The following FBXL4 variants were observed in gnomAD, a reference collection of about 807,000 sequenced individuals.
The protein encoded by FBXL4 is F-box and leucine rich repeat protein 4.
FBXL4 carries 40 observed loss-of-function variants against 58.9 expected under a neutral mutation model. The ratio of observed to expected loss-of-function variants is 0.68; its 90% CI spans 0.53 to 0.88. The LOEUF is 0.88. FBXL4 is among the 40% of genes least tolerant of loss of function. FBXL4 has a pLI of 0.00. For synonymous variants in FBXL4, 263 were observed against 265.5 expected (o/e 0.99, Z 0.09); for missense variants, 676 against 734.4 (o/e 0.92, Z 0.92).
Position 98,874,091 on chromosome 6 carries a change from T to C in FBXL4, c.*187A>G. The C allele has an allele frequency of 2.2e-6, 1 of 461,140 alleles. No homozygotes were observed. Among genetic ancestry groups the C allele is most frequent in the Non-Finnish European group, 3.8e-6 (1 of 265,042 alleles). 28.6% of individuals were successfully genotyped at this position (461,140 alleles called of 1,614,324 possible). On this transcript the variant is annotated 3_prime_UTR_variant, in exon 10 of 10. Coordinates refer to ENST00000369244, the MANE Select transcript of FBXL4 (RefSeq NM_001278716.2). ...CACTCATATTCTTGAAGAGAAGTGCTTGCAGTATTTTATGAAAACATTTGT... is the reference window on the plus strand; with the variant it reads ...CACTCATATTCTTGAAGAGAAGTGCCTGCAGTATTTTATGAAAACATTTGT...
intron 4 of FBXL4, among the ~76,000 whole-genome samples, chr6:98,924,680 T>C (rs368014908): frequency 3.3e-5 from 5 of 152,308 alleles, no homozygotes; most frequent in African/African-American, 1.2e-4. Context: ...TTGCAATGAA[T>C]TATTAGGTAG....
intron 7 of FBXL4, 187 bp downstream of exon 7, chr6:98,899,081 T>G: frequency 1.0e-6 from 1 of 985,334 alleles, no homozygotes. Context: ...TCCTTATAAT[T>G]TAAAAGCATA....
In FBXL4 at chr6:98,870,029, T is replaced by C. The variant is rs1049643493; in HGVS notation, c.*4249A>G. The C allele has an allele frequency of 6.6e-6, 1 of 152,218 alleles. No homozygotes were observed. Among genetic ancestry groups the C allele is most frequent in the Non-Finnish European group, 1.5e-5 (1 of 68,034 alleles). The allele number at this position is 152,218 out of a possible 1,614,324, so 9.4% of individuals were successfully genotyped here. ...TTAAGTCAGTTGTCAAAGCTAACAATGCATCACCTGGCTTCAAAATTTAAC... is the reference window on the plus strand; with the variant it reads ...TTAAGTCAGTTGTCAAAGCTAACAACGCATCACCTGGCTTCAAAATTTAAC... On this transcript the variant is annotated 3_prime_UTR_variant, in exon 10 of 10. Transcript: ENST00000369244.
Position 98,873,452 on chromosome 6 carries a change from T to G in FBXL4, c.*826A>C, listed in dbSNP as rs1770549616. On this transcript the variant is annotated 3_prime_UTR_variant, in exon 10 of 10. Coordinates refer to ENST00000369244, the MANE Select transcript of FBXL4 (RefSeq NM_001278716.2). ...TTTCACAAAATGTTAAGGCATCTGCTTCTAACAGTTGGAAAGCTTTTTTTA... is the reference window on the plus strand; with the variant it reads ...TTTCACAAAATGTTAAGGCATCTGCGTCTAACAGTTGGAAAGCTTTTTTTA... 1 of 151,660 alleles carries G rather than the reference T, an allele frequency of 6.6e-6. No individual in the cohort carries two copies. Among genetic ancestry groups the G allele is most frequent in the Non-Finnish European group, 1.5e-5 (1 of 67,936 alleles). 9.4% of individuals were successfully genotyped at this position (151,660 alleles called of 1,614,324 possible). A position where few individuals can be genotyped will look rare whatever the true frequency, so the allele number is the denominator to read the frequency against.
Position 98,905,460 on chromosome 6 carries a change from T to G in FBXL4, c.1069A>C (p.Asn357His). The part of the protein sequence containing the change: ...VQWLNLSWTG[N>H]RGFISVAGFS... ...CCTGCAACAGAGATGAAGCCTCTATTGCCAGTCCAAGATAAATTAAGCCAC... is the reference window on the plus strand; with the variant it reads ...CCTGCAACAGAGATGAAGCCTCTATGGCCAGTCCAAGATAAATTAAGCCAC... Residue 357 changes from asparagine to histidine, a missense_variant, in exon 6 of 10, where the codon AAT becomes CAT. By Grantham distance (68) the Asn-to-His change is moderately conservative (BLOSUM62 1). Coordinates refer to ENST00000369244, the MANE Select transcript of FBXL4 (RefSeq NM_001278716.2). 6.2e-7 allele frequency: 1 copy of G among 1,614,054 alleles called. No individual in the cohort carries two copies.
At position 98,926,593 on chromosome 6, in the gene FBXL4, T is replaced by C. The variant is rs775962308; in HGVS notation, c.396A>G (p.Glu132=). 10 of 1,614,062 alleles carry C rather than the reference T, an allele frequency of 6.2e-6. No individual in the cohort carries two copies. The highest frequency in any genetic ancestry group is 2.7e-5 in the African/African-American group (2 of 74,936). ...GTACAGCTGTAGGATACACCTGTTG[T>C]TCAAAAGTAAGTTCCACATAGTCCT... ...QSQDYVELTF[E]QQVYPTAVHV... Residue 132 remains glutamate, a synonymous_variant, in exon 4 of 10, where the codon GAA becomes GAG. Transcript: ENST00000369244.
chr6:98,870,701 C>T lies in FBXL4; in HGVS notation c.*3577G>A, dbSNP rs1484123118. ...TAGACTTGAAGTGACATTTTTAAGG[C>T]ACATTAGTATATGAATTTTTAAAAA... is the stretch of plus-strand genomic sequence containing the variant. On this transcript the variant is annotated 3_prime_UTR_variant, in exon 10 of 10. Coordinates refer to ENST00000369244, the MANE Select transcript of FBXL4 (RefSeq NM_001278716.2). 1.3e-5 allele frequency: 2 copies of T among 152,116 alleles called. No homozygotes were observed. The highest frequency in any genetic ancestry group is 2.9e-5 in the Non-Finnish European group (2 of 68,036). 9.4% of individuals were successfully genotyped at this position (152,116 alleles called of 1,614,324 possible).
At chr6:98,887,476 C>T (rs1323740129) in intron 7 of FBXL4, among the ~76,000 whole-genome samples, 1 of 152,102 alleles carries the variant, frequency 6.6e-6, no homozygotes, top group Non-Finnish European at 1.5e-5. Flanking sequence ...GTCTAGAAAA[C>T]ATTTGTGAAA....
chr6:98,940,189 CCTT>C (rs1367057047), intron 1 of FBXL4, among the ~76,000 whole-genome samples: 2 of 151,954 alleles, frequency 1.3e-5, no homozygotes, highest in South Asian at 2.1e-4. Flanking sequence ...TTGTGAAATA[CCTT>C]TTTTTGATAT....
At chr6:98,938,238 G>C (rs1773296580) in intron 1 of FBXL4, among the ~76,000 whole-genome samples, 1 of 152,000 alleles carries the variant, frequency 6.6e-6, no homozygotes, top group African/African-American at 2.4e-5. Context: ...AAACTTACAG[G>C]TTCTCTCTGT....
In FBXL4 at chr6:98,880,635, G is replaced by C; in HGVS notation, c.1318-11C>G. ...GAGCAGTGCTGTTTGCTGCCATTAG[G>C]GACCACATCAGAGGCAAATATGGAA... is the stretch of plus-strand genomic sequence containing the variant. On this transcript the variant is annotated splice_polypyrimidine_tract_variant and intron_variant, in intron 7 of 9. Transcript: ENST00000369244. 6.2e-7 allele frequency: 1 copy of C among 1,612,278 alleles called. No individual in the cohort carries two copies. Among genetic ancestry groups the C allele is most frequent in the Admixed American group, 1.7e-5 (1 of 59,994 alleles).
chr6:98,897,921 A>G (rs1771463248), intron 7 of FBXL4, among the ~76,000 whole-genome samples: 1 of 152,226 alleles, frequency 6.6e-6, no homozygotes, highest in African/African-American at 2.4e-5. Context: ...CTGAATGGCC[A>G]ATCTTTACCA....
intron 4 of FBXL4, among the ~76,000 whole-genome samples, chr6:98,924,654 C>T (rs772994030): frequency 2.0e-5 from 3 of 152,100 alleles, no homozygotes; most frequent in African/African-American, 4.8e-5. Flanking sequence ...GTTTAAAAAA[C>T]GACTAATAAC....
rs777022919 is a variant in FBXL4 at position 98,899,390 on chromosome 6, T to A, written c.1195A>T (p.Met399Leu). 1.9e-6 allele frequency: 3 copies of A among 1,613,864 alleles called. No individual in the cohort carries two copies. The highest frequency in any genetic ancestry group is 2.5e-6 in the Non-Finnish European group (3 of 1,179,976). Reference protein sequence around the residue: ...NETCLEVISEMCPNLQALNLS... With the variant: ...NETCLEVISELCPNLQALNLS... The stretch of plus-strand genomic sequence containing the variant: ...TTTAAGGCCTGTAGATTTGGACACA[T>A]CTCAGAAATAACTTCTAAGCAAGTT... Residue 399 changes from methionine (M) to leucine (L), a missense_variant, in exon 7 of 10, where the codon ATG becomes TTG. Transcript: ENST00000369244.
chr6:98,945,535 T>C (rs1407882587), intron 1 of FBXL4, among the ~76,000 whole-genome samples: 1 of 152,260 alleles, frequency 6.6e-6, no homozygotes, highest in Non-Finnish European at 1.5e-5. Context: ...CCTTTAAGGA[T>C]TTCTGTATTG....
chr6:98,891,543 G>A (rs144828126), intron 7 of FBXL4, among the ~76,000 whole-genome samples: 1 of 151,766 alleles, frequency 6.6e-6, no homozygotes, highest in East Asian at 1.9e-4. Flanking sequence ...ACAGATACTC[G>A]ACTGATCAAT....
intron 6 of FBXL4, 98 bp downstream of exon 6, chr6:98,905,328 T>C: frequency 7.5e-7 from 1 of 1,327,578 alleles, no homozygotes. Flanking sequence ...TGTAAGTACA[T>C]GTTACATAAT....
chr6:98,908,042 T>C (rs1415054458), intron 5 of FBXL4, among the ~76,000 whole-genome samples: 2 of 152,210 alleles, frequency 1.3e-5, no homozygotes, highest in Non-Finnish European at 2.9e-5. Context: ...AACGATTGAA[T>C]AATTTTTCTT....
At chr6:98,928,798 C>G (rs567944626) in intron 2 of FBXL4, among the ~76,000 whole-genome samples, 14 of 152,226 alleles carry the variant, frequency 9.2e-5, no homozygotes, top group Non-Finnish European at 2.1e-4. Flanking sequence ...AGGCTCTCTT[C>G]AAGCTGGACC....
Sources: allele counts gnomAD v4.1 joint callset (sites outside exome capture counted in the v4.1 genomes callset), GRCh38; gene constraint gnomAD v4.1.1; transcripts MANE v1.5; gene names NCBI Gene and HGNC (gene_info 2026-07-23, HGNC 2026-07-21).